AKT3: variants seen among roughly 807,000 people sequenced by gnomAD.
AKT3 encodes RAC-gamma serine/threonine-protein kinase.
A neutral mutation model predicts 65.3 loss-of-function variants in AKT3; 15 were observed. The ratio of observed to expected loss-of-function variants is 0.23; its 90% CI spans 0.15 to 0.35. The LOEUF (loss-of-function observed/expected upper bound fraction) is 0.35, where lower values mean the gene tolerates loss of function less well. Ranked by LOEUF, AKT3 falls within the 10% of genes least tolerant of loss-of-function variation. The pLI is 1.00. For synonymous variants in AKT3, 206 were observed against 183.8 expected (o/e 1.12, Z -0.98); for missense variants, 243 against 576.5 (o/e 0.42, Z 5.92).
intron 3 of AKT3, among the ~76,000 whole-genome samples, chr1:243,694,676 T>TA (rs999938448): frequency 7.9e-5 from 12 of 151,866 alleles, no homozygotes; most frequent in African/African-American, 2.9e-4. Context: ...ACAATAGGAG[T>TA]AAAAAAAGAT....
At chr1:243,671,878 A>G (rs754766106) in intron 3 of AKT3, among the ~76,000 whole-genome samples, 1 of 152,184 alleles carries the variant, frequency 6.6e-6, no homozygotes, top group Non-Finnish European at 1.5e-5. Flanking sequence ...GTCTATCTCA[A>G]TCCCAATCCC....
chr1:243,520,221 A>G (rs925782629), intron 12 of AKT3, among the ~76,000 whole-genome samples: 4 of 152,220 alleles, frequency 2.6e-5, no homozygotes, highest in Non-Finnish European at 5.9e-5. Context: ...CTTTACAAGA[A>G]GAGGAAATTT....
At chr1:243,546,374 G>T (rs1672678449) in intron 11 of AKT3, among the ~76,000 whole-genome samples, 1 of 151,532 alleles carries the variant, frequency 6.6e-6, no homozygotes, top group South Asian at 2.1e-4. Flanking sequence ...GTTTAATATA[G>T]TATATATTAC....
rs536174072 is a variant in AKT3 at position 243,729,720 on chromosome 1, A to G, written c.47-34004T>C. Among the ~76,000 whole-genome samples the G allele has an allele frequency of 3.9e-5, 6 of 152,380 alleles. No individual in the cohort carries two copies. In the South Asian group the frequency reaches 8.3e-4, roughly 21 times the overall value. On this transcript the variant is annotated intron_variant, in intron 2 of 13. Coordinates refer to ENST00000673466, the MANE Select transcript of AKT3 (RefSeq NM_005465.7). ...CAAGATATAAAATTCCAAATGTTGTATTTTAAAAATAAAAATATGTGCATA... is the reference window on the plus strand; with the variant it reads ...CAAGATATAAAATTCCAAATGTTGTGTTTTAAAAATAAAAATATGTGCATA...
chr1:243,547,094 A>G (rs1337661376), intron 11 of AKT3: 3 of 152,236 alleles, frequency 2.0e-5, no homozygotes, highest in Non-Finnish European at 2.9e-5. Flanking sequence ...AACAGTCAAC[A>G]AAACAGTAAG....
rs563587088 is a variant in AKT3, at chr1:243,565,518, C to A, written c.820-1670G>T. ...GGGATTACAGGCATGAGCCACCATGCCCCACCAAATTAAAATTTTTTATTT... is the reference window on the plus strand; with the variant it reads ...GGGATTACAGGCATGAGCCACCATGACCCACCAAATTAAAATTTTTTATTT... On this transcript the variant is annotated intron_variant, in intron 9 of 13. Coordinates refer to ENST00000673466, the MANE Select transcript of AKT3 (RefSeq NM_005465.7). Among the ~76,000 whole-genome samples the A allele has an allele frequency of 1.8e-4, 28 of 152,340 alleles. No homozygotes were observed. The South Asian group carries it at 4.8e-3, about 26-fold the overall frequency.
At chr1:243,655,295 T>C (rs1681686201) in intron 4 of AKT3, among the ~76,000 whole-genome samples, 1 of 152,190 alleles carries the variant, frequency 6.6e-6, no homozygotes, top group Non-Finnish European at 1.5e-5. Flanking sequence ...TCTTTCTTTT[T>C]AATTTTACCT....
At chr1:243,722,169 C>G (rs540567943) in intron 2 of AKT3, among the ~76,000 whole-genome samples, 1 of 152,216 alleles carries the variant, frequency 6.6e-6, no homozygotes, top group East Asian at 1.9e-4. Flanking sequence ...AAGAACAATT[C>G]ATATATTTTG....
At chr1:243,627,489 C>CTTACCATTATAATTACCATTATAA (rs912225883) in intron 6 of AKT3, among the ~76,000 whole-genome samples, 3 of 152,202 alleles carry the variant, frequency 2.0e-5, no homozygotes, top group Admixed American at 2.0e-4. Context: ...CATTTATCAG[C>CTTACCATTATAATTACCATTATAA]TTACCATTAT....
intron 6 of AKT3, among the ~76,000 whole-genome samples, chr1:243,618,332 A>C (rs570751560): frequency 1.3e-5 from 2 of 152,264 alleles, no homozygotes; most frequent in Admixed American, 1.3e-4. Context: ...TCAGATTAGA[A>C]TTTCTTCCCA....
At position 243,512,423 on chromosome 1, in the gene AKT3, C is replaced by T. The variant is rs1670070379; in HGVS notation, c.1255G>A (p.Val419Ile). The change falls in exon 13 of 14, where the codon GTA (valine) becomes ATA (isoleucine). Residue 419 changes from valine (V) to isoleucine (I), a missense_variant. By Grantham distance (29) the Val-to-Ile change is conservative. This residue lies in a region of AKT3 where 57 missense variants were observed against 107.6 expected (regional missense o/e 0.53). Transcript: ENST00000673466. The part of the protein sequence containing the change: ...NWQDVYDKKL[V>I]PPFKPQVTSE... ...GTTACTTGAGGTTTAAAAGGAGGTA[C>T]AAGCTGTAAAAAGAAAGAAAAAGAG... 2.6e-6 allele frequency: 4 copies of T among 1,540,880 alleles called. No individual in the cohort carries two copies. The highest frequency in any genetic ancestry group is 3.5e-6 in the Non-Finnish European group (4 of 1,136,326).
chr1:243,726,365 T>C (rs142561093), intron 2 of AKT3, among the ~76,000 whole-genome samples: 2 of 152,302 alleles, frequency 1.3e-5, no homozygotes, highest in African/African-American at 4.8e-5. Flanking sequence ...TGGGAAAAAG[T>C]TGTGGGGTTA....
chr1:243,515,167 G>T (rs1402426051), intron 12 of AKT3, among the ~76,000 whole-genome samples: 1 of 152,174 alleles, frequency 6.6e-6, no homozygotes, highest in Non-Finnish European at 1.5e-5. Flanking sequence ...GTACATAGAT[G>T]TATCACAATG....
At chr1:243,553,926 GA>G (rs567164636) in intron 10 of AKT3, among the ~76,000 whole-genome samples, 30 of 152,078 alleles carry the variant, frequency 2.0e-4, no homozygotes, top group Admixed American at 3.9e-4. Context: ...CTCAGCTTTG[GA>G]AAACCAGATG....
intron 2 of AKT3, among the ~76,000 whole-genome samples, chr1:243,809,915 A>T (rs1693015644): frequency 6.6e-6 from 1 of 152,224 alleles, no homozygotes; most frequent in Non-Finnish European, 1.5e-5. Context: ...AAACTGAACA[A>T]CCTGCTCCTG....
chr1:243,833,921 G>A (rs979062603), intron 2 of AKT3, among the ~76,000 whole-genome samples: 1 of 151,434 alleles, frequency 6.6e-6, no homozygotes, highest in Non-Finnish European at 1.5e-5. Context: ...AAAATTAGCC[G>A]GCCACATATA....
chr1:243,787,313 C>T (rs1691330201), intron 2 of AKT3, among the ~76,000 whole-genome samples: 1 of 152,084 alleles, frequency 6.6e-6, no homozygotes, highest in Non-Finnish European at 1.5e-5. Context: ...TACCCATGCA[C>T]ATTTTTTTAA....
At chr1:243,838,184 A>G (rs1340460183) in intron 2 of AKT3, among the ~76,000 whole-genome samples, 1 of 152,206 alleles carries the variant, frequency 6.6e-6, no homozygotes, top group Non-Finnish European at 1.5e-5. Flanking sequence ...ACTTTCAAAA[A>G]TAATACATTG....
intron 10 of AKT3, among the ~76,000 whole-genome samples, chr1:243,555,386 A>G (rs1673340897): frequency 6.6e-6 from 1 of 152,158 alleles, no homozygotes; most frequent in African/African-American, 2.4e-5. Flanking sequence ...TATTAAAACA[A>G]TATCCTTTCT....
Sources: gnomAD v4.1 joint callset for allele counts (sites outside exome capture counted in the v4.1 genomes callset) on GRCh38, gnomAD v4.1.1 for gene constraint, gnomAD v4.1.1 regional missense constraint, MANE v1.5 for transcripts, NCBI Gene and HGNC (gene_info 2026-07-23, HGNC 2026-07-21) for gene names.